STXBP5: variants seen among roughly 807,000 people sequenced by gnomAD.
The protein encoded by STXBP5 is syntaxin binding protein 5.
STXBP5 carries 50 observed loss-of-function variants against 152.4 expected under a neutral mutation model. The observed-to-expected ratio is 0.33, with a 90% confidence interval of 0.26 to 0.42. STXBP5 has a LOEUF of 0.42. Ranked by LOEUF, STXBP5 falls within the 10% of genes least tolerant of loss-of-function variation. The pLI is 1.00. For synonymous variants in STXBP5, 492 were observed against 494.7 expected, an observed-to-expected ratio of 0.99 and a Z score of 0.07; for missense variants, 1,167 against 1,388.6, an observed-to-expected ratio of 0.84 and a Z score of 2.54.
At chr6:147,325,502 A>T (rs1004036557) in intron 17 of STXBP5, among the ~76,000 whole-genome samples, 2 of 152,160 alleles carry the variant, frequency 1.3e-5, no homozygotes, top group African/African-American at 2.4e-5. Flanking sequence ...CTTCCAATTA[A>T]CTTGTATAAA....
At chr6:147,235,089 TATTAGATTGATG>T (rs1441764465) in intron 2 of STXBP5, among the ~76,000 whole-genome samples, 149 bp from the exon 3 acceptor site, 6 of 152,118 alleles carry the variant, frequency 3.9e-5, no homozygotes, top group Non-Finnish European at 7.4e-5. Context: ...CAACAGAAAC[TATTAGATTGATG>T]TGTAACAAAC....
intron 4 of STXBP5, among the ~76,000 whole-genome samples, chr6:147,241,618 A>T (rs1009741477): frequency 6.6e-6 from 1 of 152,188 alleles, no homozygotes; most frequent in African/African-American, 2.4e-5. Flanking sequence ...TAGATTAGGG[A>T]TGTTATAGCT....
intron 21 of STXBP5, 54 bp from the exon 22 acceptor site, chr6:147,353,269 A>G: frequency 8.6e-7 from 1 of 1,158,692 alleles, no homozygotes; most frequent in African/African-American, 1.6e-5. Flanking sequence ...ATCAGTTGAT[A>G]TTAGTATGAA....
Position 147,208,924 on chromosome 6 carries a change from T to C in STXBP5, c.248+2856T>C, listed in dbSNP as rs191112610. 2.9e-3 allele frequency among the ~76,000 whole-genome samples: 443 copies of C among 152,252 alleles called. 2 individuals carry two copies. Among genetic ancestry groups the C allele is most frequent in the Non-Finnish European group, 5.2e-3 (356 of 67,942 alleles). On this transcript the variant is annotated intron_variant, in intron 2 of 27. Transcript: ENST00000321680. ...AAATAAATTAAATGTATTTACTACATTAATGTATAGCAAATGACATATGAT... is the reference window on the plus strand; with the variant it reads ...AAATAAATTAAATGTATTTACTACACTAATGTATAGCAAATGACATATGAT...
At chr6:147,375,360 G>T (rs1435789889) in intron 26 of STXBP5, among the ~76,000 whole-genome samples, 1 of 151,982 alleles carries the variant, frequency 6.6e-6, no homozygotes, top group East Asian at 1.9e-4. Context: ...AAAAAACCCA[G>T]AATGAAATTC....
At chr6:147,290,248 A>G (rs1781211465) in intron 8 of STXBP5, among the ~76,000 whole-genome samples, 1 of 152,198 alleles carries the variant, frequency 6.6e-6, no homozygotes, top group Non-Finnish European at 1.5e-5. Context: ...GAATTTACAT[A>G]CATGCCAGTT....
intron 18 of STXBP5, among the ~76,000 whole-genome samples, chr6:147,332,363 T>G (rs1783618374): frequency 6.6e-6 from 1 of 152,152 alleles, no homozygotes; most frequent in African/African-American, 2.4e-5. Context: ...GGAAAAGTAC[T>G]TGAAGGAGGA....
At chr6:147,289,818 T>C (rs536594465) in intron 8 of STXBP5, among the ~76,000 whole-genome samples, 2 of 151,976 alleles carry the variant, frequency 1.3e-5, no homozygotes, top group African/African-American at 4.8e-5. Flanking sequence ...GCACAACCTA[T>C]CTAGAATAAA....
At chr6:147,238,485 G>GT (rs1778385349) in intron 3 of STXBP5, among the ~76,000 whole-genome samples, 1 of 152,132 alleles carries the variant, frequency 6.6e-6, no homozygotes, top group African/African-American at 2.4e-5. Context: ...AACATGATGC[G>GT]TTTTGGCATT....
intron 23 of STXBP5, among the ~76,000 whole-genome samples, chr6:147,361,120 G>A (rs1785045867): frequency 6.6e-6 from 1 of 152,026 alleles, no homozygotes; most frequent in South Asian, 2.1e-4. Flanking sequence ...AAAATAAACT[G>A]GAAAGTTGAA....
At chr6:147,260,782 C>G in intron 5 of STXBP5, 33 bp downstream of exon 5, 5 of 1,608,304 alleles carry the variant, frequency 3.1e-6, no homozygotes, top group Non-Finnish European at 4.2e-6. Context: ...TATCTGAAAG[C>G]ATCAGTTCTA....
At chr6:147,335,419 G>T (rs988837759) in intron 19 of STXBP5, among the ~76,000 whole-genome samples, 1 of 152,126 alleles carries the variant, frequency 6.6e-6, no homozygotes, top group African/African-American at 2.4e-5. Context: ...TTGTCAATAT[G>T]TTAAGGATAT....
intron 7 of STXBP5, among the ~76,000 whole-genome samples, chr6:147,268,641 T>A (rs909123510): frequency 6.6e-6 from 1 of 152,182 alleles, no homozygotes; most frequent in Admixed American, 6.5e-5. Flanking sequence ...GTAGTTGTGA[T>A]CTGTAGTTGT....
chr6:147,238,349 G>A (rs550397450), intron 3 of STXBP5, among the ~76,000 whole-genome samples: 90 of 152,242 alleles, frequency 5.9e-4, no homozygotes, highest in African/African-American at 2.1e-3. Flanking sequence ...AATCCATCCT[G>A]TGAGGGAAAG....
In STXBP5 at chr6:147,240,516, CTTTTA is replaced by C. The variant is rs1042500710; in HGVS notation, c.431+1252_431+1256del. 7.9e-5 allele frequency among the ~76,000 whole-genome samples: 12 copies of C among 151,896 alleles called. 1 individual carries two copies. The highest frequency in any genetic ancestry group is 2.4e-4 in the African/African-American group (10 of 41,432). On this transcript the variant is annotated intron_variant, in intron 4 of 27. Coordinates refer to ENST00000321680, the MANE Select transcript of STXBP5 (RefSeq NM_001127715.4). ...AATACCAAAATGGAAGTACTTGATT[CTTTTA>C]TTTTAATTTCTAAGGAAAAGTTGAT...
chr6:147,370,040 GT>G (rs1785470788), intron 25 of STXBP5, among the ~76,000 whole-genome samples: 1 of 151,910 alleles, frequency 6.6e-6, no homozygotes. Context: ...ACAAATTGCA[GT>G]TTATCATACA....
chr6:147,317,190 C>T (rs1039850528), intron 16 of STXBP5, among the ~76,000 whole-genome samples: 1 of 152,106 alleles, frequency 6.6e-6, no homozygotes, highest in African/African-American at 2.4e-5. Context: ...AAATAATTTG[C>T]ATTTATTAAA....
intron 19 of STXBP5, among the ~76,000 whole-genome samples, chr6:147,335,756 G>T (rs998006393): frequency 2.6e-5 from 4 of 151,878 alleles, no homozygotes; most frequent in African/African-American, 9.7e-5. Context: ...AGCCGAGATC[G>T]CGCCACTGCA....
At chr6:147,329,632 TTTTTTTTTTTTGA>T (rs1783456432) in intron 18 of STXBP5, among the ~76,000 whole-genome samples, 1 of 134,228 alleles carries the variant, frequency 7.5e-6, no homozygotes, top group Non-Finnish European at 1.6e-5. Flanking sequence ...TTTTTTTTTT[TTTTTTTTTTTTGA>T]GACGGAGTCT....
Sources: gnomAD v4.1 joint callset for allele counts (sites outside exome capture counted in the v4.1 genomes callset) on GRCh38, gnomAD v4.1.1 for gene constraint, MANE v1.5 for transcripts, NCBI Gene and HGNC (gene_info 2026-07-23, HGNC 2026-07-21) for gene names.